Variants in GABRG3 observed in about 807,000 individuals in gnomAD.
GABRG3 encodes gamma-aminobutyric acid receptor subunit gamma-3.
Under a neutral mutation model 48.8 loss-of-function variants are expected in GABRG3, and 25 were observed. That is an observed-to-expected ratio of 0.51 (90% CI 0.37 to 0.72). GABRG3 has a LOEUF of 0.72. Ranked by LOEUF, GABRG3 falls within the 30% of genes least tolerant of loss-of-function variation. The pLI, the probability that GABRG3 is intolerant of heterozygous loss-of-function variation, is 0.00. For missense variants in GABRG3, 394 were observed against 577.9 expected (o/e 0.68, Z 3.26); for synonymous variants, 227 against 217.6 (o/e 1.04, Z -0.38).
intron 5 of GABRG3, among the ~76,000 whole-genome samples, chr15:27,399,897 T>G (rs900733817): frequency 2.9e-4 from 44 of 152,338 alleles, no homozygotes; most frequent in Admixed American, 1.8e-3. Context: ...GAAACTCAAG[T>G]CCAGAGCAGA....
chr15:27,061,762 C>A (rs1159585686), intron 3 of GABRG3, among the ~76,000 whole-genome samples: 1 of 152,098 alleles, frequency 6.6e-6, no homozygotes, highest in Non-Finnish European at 1.5e-5. Context: ...TAGTTGATAA[C>A]CTTGAATAAA....
In GABRG3 at chr15:27,350,011, A is replaced by G. The variant is rs539146313; in HGVS notation, c.574+21123A>G. 1.4e-4 allele frequency: 62 copies of G among 438,828 alleles called. No individual in the cohort carries two copies. The East Asian group carries it at 4.2e-3, about 30-fold the overall frequency. 27.2% of individuals were successfully genotyped at this position (438,828 alleles called of 1,614,324 possible). On this transcript the variant is annotated intron_variant, in intron 5 of 9. Transcript: ENST00000615808. The stretch of plus-strand genomic sequence containing the variant: ...GGTACTCACTTCTGGCTACTTAAAT[A>G]GTAGCCAAAAGATTACCAGGTTAGG...
intron 3 of GABRG3, among the ~76,000 whole-genome samples, chr15:27,156,619 A>G (rs1362442395): frequency 6.6e-6 from 1 of 152,190 alleles, no homozygotes; most frequent in Admixed American, 6.5e-5. Context: ...TTAGCAAGAA[A>G]AGTAGAGACA....
At chr15:27,148,952 G>C (rs1898260105) in intron 3 of GABRG3, among the ~76,000 whole-genome samples, 1 of 151,986 alleles carries the variant, frequency 6.6e-6, no homozygotes, top group African/African-American at 2.4e-5. Context: ...TAAGAATGTT[G>C]CTCTCACCAT....
At chr15:26,971,712 A>C in intron 1 of GABRG3, 124 bp downstream of exon 1, 1 of 1,131,342 alleles carries the variant, frequency 8.8e-7, no homozygotes, top group East Asian at 3.2e-5. Flanking sequence ...GCGGGCCGGG[A>C]GGGGACTGGG....
chr15:27,132,471 G>GTTTTTTTTTTTATTT (rs1897933652), intron 3 of GABRG3, among the ~76,000 whole-genome samples: 1 of 39,594 alleles, frequency 2.5e-5, no homozygotes, highest in African/African-American at 8.8e-5. Context: ...AGTAGTTACA[G>GTTTTTTTTTTTATTT]TTTTTTTTTT....
intron 3 of GABRG3, among the ~76,000 whole-genome samples, chr15:27,281,714 T>C (rs1392467654): frequency 6.6e-6 from 1 of 151,862 alleles, no homozygotes; most frequent in African/African-American, 2.4e-5. Context: ...TATGTTTGTC[T>C]TAAATATATC....
intron 6 of GABRG3, among the ~76,000 whole-genome samples, chr15:27,489,957 C>T (rs1890310015): frequency 6.6e-6 from 1 of 152,118 alleles, no homozygotes; most frequent in Non-Finnish European, 1.5e-5. Context: ...ATGCCTATGT[C>T]CTGAATGGTA....
intron 2 of GABRG3, among the ~76,000 whole-genome samples, chr15:27,008,868 C>T (rs982083081): frequency 6.6e-6 from 1 of 152,156 alleles, no homozygotes; most frequent in Non-Finnish European, 1.5e-5. Flanking sequence ...TTGGCCTTTT[C>T]AATGGCACCT....
At chr15:27,042,107 G>C (rs1896286058) in intron 3 of GABRG3, among the ~76,000 whole-genome samples, 1 of 152,214 alleles carries the variant, frequency 6.6e-6, no homozygotes, top group Non-Finnish European at 1.5e-5. Context: ...GGACAGAGCT[G>C]CGTGTGAGGA....
chr15:27,036,455 G>C (rs117707640), intron 3 of GABRG3, among the ~76,000 whole-genome samples: 2,633 of 152,330 alleles, frequency 0.017, 47 homozygotes, highest in Non-Finnish European at 0.022. Context: ...GACTTGGGAA[G>C]CTGAGGCGGG....
intron 6 of GABRG3, among the ~76,000 whole-genome samples, chr15:27,494,689 T>C (rs1890440541): frequency 6.6e-6 from 1 of 152,210 alleles, no homozygotes; most frequent in Non-Finnish European, 1.5e-5. Flanking sequence ...TGTAGTTTTC[T>C]GTTTTATTTC....
intron 3 of GABRG3, among the ~76,000 whole-genome samples, chr15:27,234,358 T>C (rs941448304): frequency 2.0e-5 from 3 of 152,170 alleles, no homozygotes; most frequent in Non-Finnish European, 4.4e-5. Flanking sequence ...CCCTGCTGTG[T>C]GTTTGACTGG....
chr15:26,983,791 T>A (rs1351064188), intron 2 of GABRG3, among the ~76,000 whole-genome samples: 2 of 152,118 alleles, frequency 1.3e-5, no homozygotes, highest in African/African-American at 4.8e-5. Flanking sequence ...AAAATAATTT[T>A]AAAAAGACAT....
intron 3 of GABRG3, among the ~76,000 whole-genome samples, chr15:27,320,980 CT>C (rs1893406385): frequency 6.6e-6 from 1 of 152,208 alleles, no homozygotes; most frequent in African/African-American, 2.4e-5. Flanking sequence ...GCGTCACCCC[CT>C]GCTATGCTTC....
At chr15:26,992,265 T>G (rs1040133082) in intron 2 of GABRG3, among the ~76,000 whole-genome samples, 1 of 152,230 alleles carries the variant, frequency 6.6e-6, no homozygotes, top group Non-Finnish European at 1.5e-5. Flanking sequence ...TCAAATACTA[T>G]GTAGAATAAC....
chr15:27,121,759 T>A (rs1465988391), intron 3 of GABRG3, among the ~76,000 whole-genome samples: 1 of 152,264 alleles, frequency 6.6e-6, no homozygotes, highest in Non-Finnish European at 1.5e-5. Flanking sequence ...AGGTTGAGTC[T>A]ATAAGATCTG....
intron 3 of GABRG3, among the ~76,000 whole-genome samples, chr15:27,128,475 C>G (rs1011363755): frequency 6.6e-6 from 1 of 152,192 alleles, no homozygotes; most frequent in African/African-American, 2.4e-5. Flanking sequence ...CTGCCCACGC[C>G]TTGAAGCCCA....
chr15:27,167,790 C>T (rs918347587), intron 3 of GABRG3, among the ~76,000 whole-genome samples: 5 of 152,196 alleles, frequency 3.3e-5, no homozygotes, highest in African/African-American at 4.8e-5. Flanking sequence ...GTGACTCTCT[C>T]TGATTGCGCT....
Sources: gnomAD v4.1 joint callset for allele counts (sites outside exome capture counted in the v4.1 genomes callset) on GRCh38, gnomAD v4.1.1 for gene constraint, MANE v1.5 for transcripts, NCBI Gene and HGNC (gene_info 2026-07-23, HGNC 2026-07-21) for gene names.